The following IL1RAPL1 variants were observed in gnomAD, a reference collection of about 807,000 sequenced individuals.
IL1RAPL1 encodes interleukin-1 receptor accessory protein-like 1.
Under a neutral mutation model 48.4 loss-of-function variants are expected in IL1RAPL1, and 3 were observed. That is an observed-to-expected ratio of 0.06 (90% CI 0.03 to 0.16). IL1RAPL1 has a LOEUF of 0.16. Ranked by LOEUF, IL1RAPL1 falls within the 10% of genes least tolerant of loss-of-function variation. IL1RAPL1 has a pLI of 1.00. For missense variants in IL1RAPL1, 349 were observed against 530.6 expected, an observed-to-expected ratio of 0.66 and a Z score of 3.36; for synonymous variants, 185 against 187.7, an observed-to-expected ratio of 0.99 and a Z score of 0.12.
chrX:29,665,855 A>T (rs1367242185), intron 5 of IL1RAPL1, among the ~76,000 whole-genome samples: 1 of 112,180 alleles, frequency 8.9e-6, no homozygotes, highest in African/African-American at 3.2e-5. Context: ...ATGATTATTT[A>T]GTTGCATGTT....
At chrX:29,870,512 A>C (rs958152984) in intron 6 of IL1RAPL1, among the ~76,000 whole-genome samples, 1 of 111,845 alleles carries the variant, frequency 8.9e-6, no homozygotes, top group Non-Finnish European at 1.9e-5. Context: ...ATTAGTCATA[A>C]TTCCCTGTAG....
intron 2 of IL1RAPL1, among the ~76,000 whole-genome samples, chrX:29,156,903 G>T (rs1929581571): frequency 8.9e-6 from 1 of 111,759 alleles, no homozygotes; most frequent in East Asian, 2.8e-4. Context: ...GGTTTTGATA[G>T]CCTTTTACCC....
intron 5 of IL1RAPL1, among the ~76,000 whole-genome samples, chrX:29,604,835 G>A (rs1923835743): frequency 9.1e-6 from 1 of 110,357 alleles, no homozygotes; most frequent in Admixed American, 9.7e-5. Flanking sequence ...ATATTTCCCA[G>A]CTTTGCCTTT....
chrX:28,956,461 T>C (rs900134343), intron 2 of IL1RAPL1, among the ~76,000 whole-genome samples: 31 of 111,013 alleles, frequency 2.8e-4, no homozygotes, highest in Admixed American at 9.6e-4. Context: ...ATTGAGAGTT[T>C]TTAGCATGAA....
At chrX:29,915,617 A>ATCAAC (rs1396948385) in intron 6 of IL1RAPL1, among the ~76,000 whole-genome samples, 1 of 109,281 alleles carries the variant, frequency 9.2e-6, no homozygotes, top group East Asian at 2.9e-4. Context: ...AATACGTACT[A>ATCAAC]TCAACTCATA....
rs1933426510 is a variant in IL1RAPL1, at chrX:29,956,511, A to T, written c.*691A>T. 9.3e-6 allele frequency: 1 copy of T among 107,490 alleles called. No individual in the cohort carries two copies. Among genetic ancestry groups the T allele is most frequent in the African/African-American group, 3.4e-5 (1 of 29,138 alleles). 8.9% of individuals were successfully genotyped at this position (107,490 alleles called of 1,213,427 possible). ...GTCTAACTGTCTTAACATTCAAGTC[A>T]CTGCTCTTCAGAATACACTCTAGAC... On this transcript the variant is annotated 3_prime_UTR_variant, in exon 11 of 11. Transcript: ENST00000378993.
At chrX:29,147,499 G>T (rs973996538) in intron 2 of IL1RAPL1, among the ~76,000 whole-genome samples, 1 of 111,713 alleles carries the variant, frequency 9.0e-6, no homozygotes, top group Non-Finnish European at 1.9e-5. Flanking sequence ...GTTAGGGTAT[G>T]TGGGTTTGTG....
intron 6 of IL1RAPL1, among the ~76,000 whole-genome samples, chrX:29,683,361 T>C (rs923001118): frequency 3.6e-5 from 4 of 112,363 alleles, no homozygotes; most frequent in Non-Finnish European, 7.5e-5. Context: ...TTCCTCACAG[T>C]TTCAGTCATG....
At position 28,673,350 on chromosome X, in the gene IL1RAPL1, A is replaced by G. The variant is rs191230749; in HGVS notation, c.-25+85303A>G. ...CACCATATACAAAAGTTAACTCAAAATGGATTAAAGACTTAAGTGTAAAAC... is the reference window on the plus strand; with the variant it reads ...CACCATATACAAAAGTTAACTCAAAGTGGATTAAAGACTTAAGTGTAAAAC... On this transcript the variant is annotated intron_variant, in intron 1 of 10. Transcript: ENST00000378993. 1.6e-4 allele frequency among the ~76,000 whole-genome samples: 18 copies of G among 112,195 alleles called. No individual in the cohort carries two copies. In the Admixed American group the frequency reaches 1.7e-3, roughly 11 times the overall value.
intron 6 of IL1RAPL1, among the ~76,000 whole-genome samples, chrX:29,843,540 T>A (rs1931181310): frequency 9.0e-6 from 1 of 111,564 alleles, no homozygotes; most frequent in Admixed American, 9.6e-5. Context: ...CACAATTTTT[T>A]TATCTTATAG....
intron 2 of IL1RAPL1, among the ~76,000 whole-genome samples, chrX:28,798,446 C>G (rs149938690): frequency 8.9e-6 from 1 of 112,051 alleles, no homozygotes. Context: ...TTCTACCTCT[C>G]TCTTTCCCTT....
chrX:28,728,139 A>AT (rs1485263434), intron 1 of IL1RAPL1, among the ~76,000 whole-genome samples: 1 of 111,730 alleles, frequency 9.0e-6, no homozygotes, highest in Non-Finnish European at 1.9e-5. Context: ...ATGATGATGG[A>AT]TTTCTTATTA....
At chrX:29,380,862 A>G (rs1933688112) in intron 3 of IL1RAPL1, among the ~76,000 whole-genome samples, 1 of 111,708 alleles carries the variant, frequency 9.0e-6, no homozygotes, top group South Asian at 3.7e-4. Context: ...GAGGCATATT[A>G]CAATCAGGAA....
chrX:28,698,746 C>G (rs1935262981), intron 1 of IL1RAPL1, among the ~76,000 whole-genome samples: 1 of 111,492 alleles, frequency 9.0e-6, no homozygotes, highest in African/African-American at 3.2e-5. Context: ...TCATGCAAAG[C>G]CATTGAAACA....
chrX:29,837,258 C>CAAAAAAAA (rs34032700), intron 6 of IL1RAPL1, among the ~76,000 whole-genome samples: 16 of 30,005 alleles, frequency 5.3e-4, no homozygotes, highest in African/African-American at 3.1e-3. Context: ...GACTGCATCT[C>CAAAAAAAA]AAAAAAAAAA....
chrX:28,641,380 C>A (rs910970293), intron 1 of IL1RAPL1, among the ~76,000 whole-genome samples: 3 of 111,089 alleles, frequency 2.7e-5, no homozygotes, highest in Non-Finnish European at 5.7e-5. Flanking sequence ...CATGTCCCTG[C>A]AAAGGACATG....
chrX:29,237,692 T>C (rs1416253812), intron 2 of IL1RAPL1, among the ~76,000 whole-genome samples: 1 of 112,017 alleles, frequency 8.9e-6, no homozygotes, highest in East Asian at 2.8e-4. Flanking sequence ...TTATGGTTGT[T>C]AGTAATTGTG....
At chrX:29,455,472 A>G (rs1424268732) in intron 5 of IL1RAPL1, among the ~76,000 whole-genome samples, 2 of 111,904 alleles carry the variant, frequency 1.8e-5, no homozygotes, top group Non-Finnish European at 3.8e-5. Flanking sequence ...AGAGAAGTAG[A>G]GTGTTAATTG....
At chrX:29,305,618 A>G (rs770408319) in intron 3 of IL1RAPL1, among the ~76,000 whole-genome samples, 11 of 111,920 alleles carry the variant, frequency 9.8e-5, no homozygotes, top group Admixed American at 1.9e-4. Flanking sequence ...TGGAATAGGA[A>G]GGAAGGATAT....
Sources: gnomAD v4.1 joint callset for allele counts (sites outside exome capture counted in the v4.1 genomes callset) on GRCh38, gnomAD v4.1.1 for gene constraint, MANE v1.5 for transcripts, NCBI Gene and HGNC (gene_info 2026-07-23, HGNC 2026-07-21) for gene names.